CPA6: variants seen among roughly 807,000 people sequenced by gnomAD.
CPA6 encodes carboxypeptidase B.
In CPA6, 58 loss-of-function variants were observed where a neutral mutation model predicts 63.3. The ratio of observed to expected loss-of-function variants is 0.92; its 90% CI spans 0.74 to 1.14. The LOEUF (loss-of-function observed/expected upper bound fraction) is 1.14, where lower values mean the gene tolerates loss of function less well. Ranked by LOEUF, CPA6 falls within the 50% of genes most tolerant of loss-of-function variation. The pLI, the probability that CPA6 is intolerant of heterozygous loss-of-function variation, is 0.00. For missense variants in CPA6, 565 were observed against 526.6 expected, an observed-to-expected ratio of 1.07 and a Z score of -0.71; for synonymous variants, 185 against 179.0, an observed-to-expected ratio of 1.03 and a Z score of -0.27.
intron 1 of CPA6, among the ~76,000 whole-genome samples, chr8:67,712,658 A>T (rs1587721286): frequency 6.6e-6 from 1 of 152,164 alleles, no homozygotes; most frequent in Non-Finnish European, 1.5e-5. Flanking sequence ...GCCTTCTCAC[A>T]TAAAAGTAAA....
At chr8:67,483,923 A>C (rs1811415121) in intron 7 of CPA6, 65 bp from the exon 8 acceptor site, 1 of 1,274,360 alleles carries the variant, frequency 7.8e-7, no homozygotes, top group African/African-American at 1.5e-5. Context: ...ATGCATTTTA[A>C]TAGCTCAATC....
At chr8:67,480,511 T>A (rs1361090261) in intron 8 of CPA6, among the ~76,000 whole-genome samples, 1 of 152,212 alleles carries the variant, frequency 6.6e-6, no homozygotes, top group Non-Finnish European at 1.5e-5. Context: ...TTCATTCTTG[T>A]TATGCCCAAA....
At position 67,428,148 on chromosome 8, in the gene CPA6, G is replaced by T; in HGVS notation, c.1042-17C>A. The T allele has an allele frequency of 6.5e-7, 1 of 1,530,188 alleles. No homozygotes were observed. The highest frequency in any genetic ancestry group is 9.0e-7 in the Non-Finnish European group (1 of 1,105,146). The allele number at this position is 1,530,188 out of a possible 1,614,324, so 94.8% of individuals were successfully genotyped here. On this transcript the variant is annotated splice_polypyrimidine_tract_variant and intron_variant, in intron 9 of 10. Coordinates refer to ENST00000297770, the MANE Select transcript of CPA6 (RefSeq NM_020361.5). ...TGCAGATTCCTATGAGGGAAAATGG[G>T]GAAATTTTATATATTGTTGCATTGA... is the stretch of plus-strand genomic sequence containing the variant.
chr8:67,681,355 G>A (rs1477969755), intron 1 of CPA6, among the ~76,000 whole-genome samples: 3 of 149,752 alleles, frequency 2.0e-5, no homozygotes, highest in Non-Finnish European at 4.4e-5. Flanking sequence ...GACTACAGGC[G>A]CCCGCCACCG....
chr8:67,586,867 T>A (rs1813952491), intron 2 of CPA6, among the ~76,000 whole-genome samples: 1 of 152,082 alleles, frequency 6.6e-6, no homozygotes, highest in South Asian at 2.1e-4. Context: ...GGCTGATGAG[T>A]AGGCTGTGGG....
chr8:67,523,451 C>G (rs1333800426), intron 2 of CPA6, among the ~76,000 whole-genome samples: 2 of 152,092 alleles, frequency 1.3e-5, no homozygotes, highest in African/African-American at 4.8e-5. Context: ...ATAGTGTGAA[C>G]CTGGGAGGCA....
chr8:67,623,996 C>CAAATAAAATA (rs1285737325), intron 2 of CPA6, among the ~76,000 whole-genome samples, 180 bp downstream of exon 2: 14 of 151,680 alleles, frequency 9.2e-5, no homozygotes, highest in African/African-American at 3.4e-4. Flanking sequence ...GACTTTGTCT[C>CAAATAAAATA]AAATAAAATA....
At chr8:67,494,965 A>G (rs780493938) in intron 6 of CPA6, among the ~76,000 whole-genome samples, 38 of 152,182 alleles carry the variant, frequency 2.5e-4, no homozygotes, top group Non-Finnish European at 4.4e-4. Flanking sequence ...ATCAAACAGC[A>G]TTCATTCTTT....
At chr8:67,530,054 T>A (rs1312167118) in intron 2 of CPA6, among the ~76,000 whole-genome samples, 1 of 152,208 alleles carries the variant, frequency 6.6e-6, no homozygotes, top group Non-Finnish European at 1.5e-5. Context: ...GCAATTGATG[T>A]TTCTCAGGTA....
At chr8:67,702,017 C>G (rs1205896713) in intron 1 of CPA6, among the ~76,000 whole-genome samples, 3 of 152,032 alleles carry the variant, frequency 2.0e-5, no homozygotes, top group African/African-American at 7.2e-5. Context: ...CTCCTACTCT[C>G]AAGTGTTTGT....
At chr8:67,650,719 A>G (rs2128991308) in intron 1 of CPA6, among the ~76,000 whole-genome samples, 1 of 152,186 alleles carries the variant, frequency 6.6e-6, no homozygotes, top group East Asian at 1.9e-4. Context: ...GAGGGATGGG[A>G]GACTGTCTAC....
At chr8:67,685,901 A>G (rs11985114) in intron 1 of CPA6, among the ~76,000 whole-genome samples, 38,590 of 151,986 alleles carry the variant, frequency 0.25, 5,142 homozygotes, top group South Asian at 0.35. Context: ...CTAATCTGTC[A>G]CTATTTGACT....
At chr8:67,577,276 A>T (rs1813652158) in intron 2 of CPA6, among the ~76,000 whole-genome samples, 2 of 152,170 alleles carry the variant, frequency 1.3e-5, no homozygotes, top group Admixed American at 6.5e-5. Flanking sequence ...ACAGATGGTA[A>T]CTCTAAGTGG....
chr8:67,637,756 T>C (rs1440432500), intron 1 of CPA6, among the ~76,000 whole-genome samples: 1 of 151,382 alleles, frequency 6.6e-6, no homozygotes, highest in Non-Finnish European at 1.5e-5. Flanking sequence ...TAAAAAGGTT[T>C]AGCTGCAGTG....
At chr8:67,678,603 A>G (rs1033517963) in intron 1 of CPA6, among the ~76,000 whole-genome samples, 2 of 152,244 alleles carry the variant, frequency 1.3e-5, no homozygotes, top group Non-Finnish European at 2.9e-5. Context: ...GAAAGGCTCA[A>G]ATGAAAGGCA....
At chr8:67,633,461 C>T (rs540904079) in intron 1 of CPA6, among the ~76,000 whole-genome samples, 1 of 152,126 alleles carries the variant, frequency 6.6e-6, no homozygotes, top group African/African-American at 2.4e-5. Context: ...GCGGGTGGAT[C>T]ACGAGGTCAG....
intron 6 of CPA6, among the ~76,000 whole-genome samples, chr8:67,494,544 A>T (rs1055703012): frequency 6.6e-6 from 1 of 152,184 alleles, no homozygotes; most frequent in African/African-American, 2.4e-5. Flanking sequence ...AAACTAGCAA[A>T]AGCGAACAAA....
chr8:67,487,051 ATATATG>A (rs1311925857), intron 6 of CPA6, among the ~76,000 whole-genome samples: 1 of 151,000 alleles, frequency 6.6e-6, no homozygotes, highest in East Asian at 1.9e-4. Context: ...TTTTCTGAAT[ATATATG>A]TATATTTTTA....
At chr8:67,595,824 C>T (rs898151492) in intron 2 of CPA6, among the ~76,000 whole-genome samples, 4 of 152,200 alleles carry the variant, frequency 2.6e-5, no homozygotes, top group Non-Finnish European at 4.4e-5. Context: ...CTCCCTGACC[C>T]CTTGCACTTC....
Sources: gnomAD v4.1 joint callset for allele counts (sites outside exome capture counted in the v4.1 genomes callset) on GRCh38, gnomAD v4.1.1 for gene constraint, MANE v1.5 for transcripts, NCBI Gene and HGNC (gene_info 2026-07-23, HGNC 2026-07-21) for gene names.